The following PSG1 variants were observed in gnomAD, a reference collection of about 807,000 sequenced individuals.
The protein encoded by PSG1 is pregnancy specific beta-1-glycoprotein 1, also known as pregnancy-specific beta-1-glycoprotein 1.
In PSG1, 60 loss-of-function variants were observed where a neutral mutation model predicts 41.4. The observed-to-expected ratio is 1.45, with a 90% confidence interval of 1.18 to 1.80. The LOEUF (loss-of-function observed/expected upper bound fraction) is 1.80. PSG1 is among the 40% of genes most tolerant of loss of function. PSG1 has a pLI of 0.00. For missense variants in PSG1, 806 were observed against 516.9 expected (o/e 1.56, Z -5.42); for synonymous variants, 256 against 192.9 (o/e 1.33, Z -2.71).
intron 2 of PSG1, among the ~76,000 whole-genome samples, chr19:42,875,543 T>G (rs1025442769): frequency 4.6e-5 from 7 of 151,578 alleles, no homozygotes; most frequent in Admixed American, 4.0e-4. Flanking sequence ...CTATGACTAA[T>G]GGCTCAGCCA....
At chr19:42,877,514 A>T (rs547545643) in intron 2 of PSG1, among the ~76,000 whole-genome samples, 1 of 151,694 alleles carries the variant, frequency 6.6e-6, no homozygotes, top group Non-Finnish European at 1.5e-5. Flanking sequence ...TTTAGGGACA[A>T]GGGTCTGGGG....
In PSG1 at chr19:42,868,984, T is replaced by G; in HGVS notation, c.760A>C (p.Asn254His). 3 of 1,610,618 alleles carry G rather than the reference T, an allele frequency of 1.9e-6. No homozygotes were observed. The South Asian group carries it at 3.3e-5, about 18-fold the overall frequency. ...CAGGTGAAGTTTAAGACATCCTTAT[T>G]CTCCCTGGGGTTTAAGTTGTTGATG... ...ITINNLNPRE[N>H]KDVLNFTCEP... Residue 254 changes from asparagine to histidine, a missense_variant, in exon 4 of 6, where the codon AAT becomes CAT. By Grantham distance (68) the Asn-to-His change is moderately conservative. Transcript: ENST00000436291.
chr19:42,875,002 C>G (rs183526924), intron 2 of PSG1, among the ~76,000 whole-genome samples: 1 of 151,792 alleles, frequency 6.6e-6, no homozygotes, highest in African/African-American at 2.4e-5. Flanking sequence ...AGAATGTGAG[C>G]TCCTTAGCAG....
rs1971415695 is a variant in PSG1 at position 42,872,049 on chromosome 19, T to C, written c.431-4A>G. The C allele has an allele frequency of 6.2e-7, 1 of 1,607,612 alleles. No homozygotes were observed. The highest frequency in any genetic ancestry group is 1.7e-4 in the Middle Eastern group (1 of 6,048). ...ATGGAGGGCTTAGGAGTCTCCACTG[T>C]GCAGAAAACAGGGTGAAGATTGCCG... On this transcript the variant is annotated splice_polypyrimidine_tract_variant and splice_region_variant and intron_variant, in intron 2 of 5. Transcript: ENST00000436291.
chr19:42,873,846 A>C lies in PSG1; in HGVS notation c.431-1801T>G, dbSNP rs544492179. On this transcript the variant is annotated intron_variant, in intron 2 of 5. Transcript: ENST00000436291. ...CTGTGCAGAGTTAGGAAAAATGGGGAGGACCTCAAAACAGGTATGTGAAAT... is the reference window on the plus strand; with the variant it reads ...CTGTGCAGAGTTAGGAAAAATGGGGCGGACCTCAAAACAGGTATGTGAAAT... Among the ~76,000 whole-genome samples, 8 of 151,702 alleles carry C rather than the reference A, an allele frequency of 5.3e-5. 1 individual carries two copies. Among genetic ancestry groups the C allele is most frequent in the Admixed American group, 1.3e-4 (2 of 15,182 alleles).
At chr19:42,869,141 C>G (rs1971274079) in intron 3 of PSG1, 107 bp from the exon 4 acceptor site, 1 of 1,549,740 alleles carries the variant, frequency 6.5e-7, no homozygotes, top group Non-Finnish European at 8.7e-7. Context: ...CACCCGAGTC[C>G]TTGAAAGCCA....
chr19:42,873,519 T>C (rs1568422285), intron 2 of PSG1, among the ~76,000 whole-genome samples: 1 of 151,756 alleles, frequency 6.6e-6, no homozygotes, highest in South Asian at 2.1e-4. Context: ...CATTAAAATG[T>C]TTTCATAAGT....
At chr19:42,876,973 A>G (rs547032627) in intron 2 of PSG1, among the ~76,000 whole-genome samples, 1 of 151,568 alleles carries the variant, frequency 6.6e-6, no homozygotes, top group Admixed American at 6.6e-5. Flanking sequence ...ACTCTTGCTC[A>G]GTCACTGTGC....
chr19:42,866,787 T>C lies in PSG1; in HGVS notation c.*347A>G. On this transcript the variant is annotated 3_prime_UTR_variant, in exon 6 of 6. Transcript: ENST00000436291. The stretch of plus-strand genomic sequence containing the variant: ...TCTCAGAAGCTACTACATGTGAAAT[T>C]CTAATGACTGCATTATCCTGCCAAG... 1.8e-6 allele frequency: 1 copy of C among 546,008 alleles called. No homozygotes were observed. The highest frequency in any genetic ancestry group is 3.1e-5 in the Admixed American group (1 of 32,014). The allele number at this position is 546,008 out of a possible 1,614,324, so 33.8% of individuals were successfully genotyped here.
In PSG1 at chr19:42,879,578, C is replaced by T. The variant is rs767646181; in HGVS notation, c.4G>A (p.Gly2Arg). Residue 2 changes from glycine (G) to arginine (R), a missense_variant, in exon 1 of 6, where the codon GGA (glycine) becomes AGA (arginine). Coordinates refer to ENST00000436291, the MANE Select transcript of PSG1 (RefSeq NM_001184825.2). The stretch of plus-strand genomic sequence containing the variant: ...GTGCAGGGAGGGGCTGAGAGGGTTC[C>T]CATGGTCTCTGCTGCTTGTGTGTTC... M[G>R]TLSAPPCTQR... The T allele has an allele frequency of 7.0e-5, 113 of 1,610,366 alleles. 3 individuals carry two copies. Among genetic ancestry groups the T allele is most frequent in the Non-Finnish European group, 9.0e-5 (106 of 1,178,158 alleles).
rs546346429 is a variant in PSG1, at chr19:42,868,795, C to A, written c.949G>T (p.Gly317Cys). ...GTGACTGGGTCACTGCGGATGCCAC[C>A]ATATCGGTCCCGTATTTCACATTGA... ...PYQCEIRDRY[G>C]GIRSDPVTLN... is the part of the protein sequence containing the mutation. The change falls in exon 4 of 6, where the codon GGT becomes TGT. Residue 317 changes from glycine to cysteine, a missense_variant. Gly to Cys is a radical substitution (Grantham distance 159). Transcript: ENST00000436291. The A allele has an allele frequency of 1.2e-6, 2 of 1,612,020 alleles. No individual in the cohort carries two copies. Among genetic ancestry groups the A allele is most frequent in the Non-Finnish European group, 1.7e-6 (2 of 1,179,038 alleles).
Position 42,868,779 on chromosome 19 carries a change from T to G in PSG1, c.965A>C (p.Asp322Ala). The change falls in exon 4 of 6, where the codon GAC becomes GCC. Residue 322 changes from aspartate to alanine, a missense_variant. By Grantham distance (126) the Asp-to-Ala change is moderately radical. Coordinates refer to ENST00000436291, the MANE Select transcript of PSG1 (RefSeq NM_001184825.2). ...IRDRYGGIRS[D>A]PVTLNVLYGP... ...ACAGAGGACATTCAGGGTGACTGGG[T>G]CACTGCGGATGCCACCATATCGGTC... 2 of 1,611,974 alleles carry G rather than the reference T, an allele frequency of 1.2e-6. No homozygotes were observed. The highest frequency in any genetic ancestry group is 1.7e-6 in the Non-Finnish European group (2 of 1,178,978).
Position 42,876,036 on chromosome 19 carries a change from G to A in PSG1, c.430+1877C>T, listed in dbSNP as rs2122547875. 2.0e-5 allele frequency among the ~76,000 whole-genome samples: 3 copies of A among 151,512 alleles called. 1 individual carries two copies. The highest frequency in any genetic ancestry group is 4.4e-5 in the Non-Finnish European group (3 of 67,834). On this transcript the variant is annotated intron_variant, in intron 2 of 5. Coordinates refer to ENST00000436291, the MANE Select transcript of PSG1 (RefSeq NM_001184825.2). ...AAGCCTGGCAGGAGTGGCAACTCCA[G>A]ATGATTTCTGTGCCTTTCCTCTTTC...
chr19:42,877,593 T>A (rs1454536650), intron 2 of PSG1, among the ~76,000 whole-genome samples: 2 of 151,714 alleles, frequency 1.3e-5, no homozygotes, highest in Admixed American at 6.6e-5. Context: ...CCCTACTCAG[T>A]TATCCAGGGT....
At chr19:42,869,372 C>T (rs558717573) in intron 3 of PSG1, 8 of 409,184 alleles carry the variant, frequency 2.0e-5, no homozygotes, top group Non-Finnish European at 3.0e-5. Context: ...GGGTTCCTTA[C>T]CTGGAATATG....
At chr19:42,877,643 T>C (rs189967944) in intron 2 of PSG1, among the ~76,000 whole-genome samples, 5 of 151,842 alleles carry the variant, frequency 3.3e-5, no homozygotes, top group African/African-American at 1.2e-4. Flanking sequence ...CATGAGGTGC[T>C]TGGCTGAGAC....
Position 42,878,452 on chromosome 19 carries a change from G to A in PSG1, c.65-174C>T, listed in dbSNP as rs1405396626. On this transcript the variant is annotated intron_variant, in intron 1 of 5. Transcript: ENST00000436291. ...ACAAAAGCGGCATGTGTGATTGTGT[G>A]TGTGTATGTGTGTGTGTCCTACTGT... 6 of 1,133,428 alleles carry A rather than the reference G, an allele frequency of 5.3e-6. No homozygotes were observed. The East Asian group carries it at 7.5e-5, about 14-fold the overall frequency. The allele number at this position is 1,133,428 out of a possible 1,614,324, so 70.2% of individuals were successfully genotyped here.
chr19:42,875,601 G>T (rs1050785715), intron 2 of PSG1, among the ~76,000 whole-genome samples: 2 of 151,350 alleles, frequency 1.3e-5, no homozygotes, highest in Non-Finnish European at 2.9e-5. Flanking sequence ...AACAGATCAT[G>T]TCCCCCTGCC....
chr19:42,879,613 G>A lies in PSG1; in HGVS notation c.-32C>T, dbSNP rs1162864127. On this transcript the variant is annotated 5_prime_UTR_variant, in exon 1 of 6. Coordinates refer to ENST00000436291, the MANE Select transcript of PSG1 (RefSeq NM_001184825.2). ...TGCTGCTTGTGTGTTCTCCTCTGTG[G>A]AGATAAGCCTAGGATCCAGAAACTC... is the stretch of plus-strand genomic sequence containing the variant. 1.2e-6 allele frequency: 2 copies of A among 1,608,080 alleles called. No individual in the cohort carries two copies. Among genetic ancestry groups the A allele is most frequent in the Admixed American group, 3.4e-5 (2 of 59,668 alleles).
Sources: gnomAD v4.1 joint callset for allele counts (sites outside exome capture counted in the v4.1 genomes callset) on GRCh38, gnomAD v4.1.1 for gene constraint, MANE v1.5 for transcripts, NCBI Gene and HGNC (gene_info 2026-07-23, HGNC 2026-07-21) for gene names.